AGBL1: variants seen among roughly 807,000 people sequenced by gnomAD.
AGBL1 encodes the protein AGBL carboxypeptidase 1.
Under a neutral mutation model 118.9 loss-of-function variants are expected in AGBL1, and 130 were observed. That is an observed-to-expected ratio of 1.09 (90% CI 0.95 to 1.26). The LOEUF is 1.26. AGBL1 is among the 50% of genes most tolerant of loss of function. The pLI, the probability that AGBL1 is intolerant of heterozygous loss-of-function variation, is 0.00. For missense variants in AGBL1, 1,584 were observed against 1,298.1 expected, an observed-to-expected ratio of 1.22 and a Z score of -3.38; for synonymous variants, 555 against 478.9, an observed-to-expected ratio of 1.16 and a Z score of -2.08.
At chr15:86,973,003 C>T (rs2081126541) in intron 23 of AGBL1, among the ~76,000 whole-genome samples, 1 of 151,844 alleles carries the variant, frequency 6.6e-6, no homozygotes, top group African/African-American at 2.4e-5. Context: ...TTGGATCAGA[C>T]AAATTGGATT....
At chr15:86,723,188 TA>T (rs2086757532) in intron 22 of AGBL1, among the ~76,000 whole-genome samples, 1 of 152,186 alleles carries the variant, frequency 6.6e-6, no homozygotes, top group African/African-American at 2.4e-5. Flanking sequence ...CATGCTGTTA[TA>T]AAGACACATG....
intron 17 of AGBL1, chr15:86,317,051 C>T (rs1414400101): frequency 6.6e-6 from 1 of 152,254 alleles, no homozygotes; most frequent in Non-Finnish European, 1.5e-5. Flanking sequence ...CCCCTCTTGC[C>T]ATATTCCTTC....
intron 17 of AGBL1, among the ~76,000 whole-genome samples, chr15:86,319,743 G>GTTTTTTTTTTTTTTTTTTTTTTTTTTTT (rs139831044): frequency 2.1e-5 from 1 of 47,230 alleles, no homozygotes; most frequent in Admixed American, 3.4e-4. Context: ...CTCTTTGGTA[G>GTTTTTTTTTTTTTTTTTTTTTTTTTTTT]TTTTTTTTTT....
chr15:86,583,337 C>A (rs904797946), intron 21 of AGBL1, among the ~76,000 whole-genome samples: 2 of 151,952 alleles, frequency 1.3e-5, no homozygotes, highest in Non-Finnish European at 1.5e-5. Context: ...TCAACCCTTG[C>A]CCCCTCCCTA....
intron 22 of AGBL1, among the ~76,000 whole-genome samples, chr15:86,778,814 T>C (rs945829499): frequency 9.2e-5 from 14 of 152,160 alleles, no homozygotes; most frequent in African/African-American, 3.4e-4. Flanking sequence ...GATTAAGAGA[T>C]TAAAGTAAAG....
intron 24 of AGBL1, among the ~76,000 whole-genome samples, chr15:86,991,442 A>T (rs2081335015): frequency 6.6e-6 from 1 of 150,500 alleles, no homozygotes; most frequent in Admixed American, 6.6e-5. Context: ...TCAGATTTAT[A>T]TTTATTTATT....
In AGBL1 at chr15:86,397,484, G is replaced by A. The variant is rs1197706547; in HGVS notation, c.2493G>A (p.Leu831=). The A allele has an allele frequency of 6.2e-7, 1 of 1,613,078 alleles. No homozygotes were observed. Among genetic ancestry groups the A allele is most frequent in the East Asian group, 2.2e-5 (1 of 44,832 alleles). The part of the protein sequence containing the change: ...LVSSDPVARL[L]RENFIFKIIP... ...GCAGTGACCCTGTGGCTAGGCTCTT[G>A]AGGGAAAACTTCATCTTCAAGATCA... The change falls in exon 18 of 23, where the codon TTG becomes TTA. Residue 831 remains leucine, a synonymous_variant. Transcript: ENST00000614907.
At chr15:86,822,923 A>G (rs1381197499) in intron 22 of AGBL1, among the ~76,000 whole-genome samples, 1 of 152,168 alleles carries the variant, frequency 6.6e-6, no homozygotes, top group Non-Finnish European at 1.5e-5. Context: ...CTCTTACACA[A>G]GGAAGAGTAG....
intron 21 of AGBL1, among the ~76,000 whole-genome samples, chr15:86,599,184 CAG>C (rs1402107718): frequency 2.0e-5 from 3 of 152,016 alleles, no homozygotes; most frequent in Non-Finnish European, 2.9e-5. Context: ...GTTTTTAAGC[CAG>C]AGTTACAAAA....
At chr15:86,204,486 TCCCTTCCCCTTCCCCTTC>T (rs147795031) in intron 5 of AGBL1, among the ~76,000 whole-genome samples, 1 of 148,142 alleles carries the variant, frequency 6.8e-6, no homozygotes, top group Non-Finnish European at 1.5e-5. Flanking sequence ...TCCCTTCCTT[TCCCTTCCCCTTCCCCTTC>T]CCCTTCCCCT....
chr15:86,972,847 T>C (rs563368952), intron 23 of AGBL1, among the ~76,000 whole-genome samples: 66 of 151,900 alleles, frequency 4.3e-4, no homozygotes, highest in Non-Finnish European at 8.5e-4. Context: ...ATCTGACAAG[T>C]AATTTTTCTG....
At chr15:86,448,709 G>GT (rs2082157334) in intron 18 of AGBL1, among the ~76,000 whole-genome samples, 1 of 151,942 alleles carries the variant, frequency 6.6e-6, no homozygotes, top group South Asian at 2.1e-4. Context: ...TCAGGGAGAG[G>GT]CTGAGGCCAG....
chr15:86,665,595 A>T (rs1183424809), intron 21 of AGBL1, among the ~76,000 whole-genome samples: 1 of 151,946 alleles, frequency 6.6e-6, no homozygotes, highest in Non-Finnish European at 1.5e-5. Flanking sequence ...GGTTATTTAG[A>T]TATATTCAAA....
At chr15:86,854,124 T>C (rs2141465132) in intron 22 of AGBL1, among the ~76,000 whole-genome samples, 1 of 152,286 alleles carries the variant, frequency 6.6e-6, no homozygotes, top group Non-Finnish European at 1.5e-5. Flanking sequence ...ATTTTCCCTC[T>C]CTACCAACTC....
At chr15:86,993,140 G>GTAATATAAAAGGAAAGTATAA (rs2081349653) in intron 24 of AGBL1, among the ~76,000 whole-genome samples, 1 of 152,132 alleles carries the variant, frequency 6.6e-6, no homozygotes, top group Non-Finnish European at 1.5e-5. Flanking sequence ...TGCTCTAACT[G>GTAATATAAAAGGAAAGTATAA]TAATATAAAA....
intron 1 of AGBL1, among the ~76,000 whole-genome samples, chr15:86,107,813 A>C (rs953754777): frequency 6.6e-6 from 1 of 152,190 alleles, no homozygotes; most frequent in Non-Finnish European, 1.5e-5. Flanking sequence ...GAAAACAGGG[A>C]TCTCTAGGAA....
intron 24 of AGBL1, among the ~76,000 whole-genome samples, chr15:87,005,038 A>G (rs2081483852): frequency 6.6e-6 from 1 of 152,158 alleles, no homozygotes; most frequent in South Asian, 2.1e-4. Context: ...TCTGGCTTGT[A>G]GAGTTTCTGC....
intron 18 of AGBL1, among the ~76,000 whole-genome samples, chr15:86,476,896 G>A (rs1293302093): frequency 2.0e-5 from 3 of 152,204 alleles, no homozygotes; most frequent in Non-Finnish European, 2.9e-5. Context: ...AGACCACAGT[G>A]CAATCAAACT....
chr15:86,697,568 G>T (rs75347656), intron 22 of AGBL1, among the ~76,000 whole-genome samples: 14,095 of 150,518 alleles, frequency 0.094, 817 homozygotes, highest in African/African-American at 0.16. Context: ...TGATTAGCTT[G>T]ATAATCAACC....
Sources: gnomAD v4.1 joint callset for allele counts (sites outside exome capture counted in the v4.1 genomes callset) on GRCh38, gnomAD v4.1.1 for gene constraint, MANE v1.5 for transcripts, NCBI Gene and HGNC (gene_info 2026-07-23, HGNC 2026-07-21) for gene names.